The following MMEL1 variants were observed in gnomAD, a reference collection of about 807,000 sequenced individuals.
MMEL1 encodes membrane metalloendopeptidase like 1.
In MMEL1, 98 loss-of-function variants were observed where a neutral mutation model predicts 117.1. The observed-to-expected ratio is 0.84, with a 90% CI of 0.71 to 0.99. The LOEUF is 0.99. Ranked by LOEUF, MMEL1 falls within the 50% of genes least tolerant of loss-of-function variation. The pLI is 0.00. For synonymous variants in MMEL1, 390 were observed against 415.1 expected (o/e 0.94, Z 0.74); for missense variants, 1,014 against 1,049.1 (o/e 0.97, Z 0.46).
Position 2,632,920 on chromosome 1 carries a change from C to A in MMEL1, c.-92G>T. 1.0e-6 allele frequency: 1 copy of A among 985,666 alleles called. No homozygotes were observed. The highest frequency in any genetic ancestry group is 1.2e-6 in the Non-Finnish European group (1 of 830,086). 61.1% of individuals were successfully genotyped at this position (985,666 alleles called of 1,614,324 possible). A position where few individuals can be genotyped will look rare whatever the true frequency, so the allele number is the denominator to read the frequency against. On this transcript the variant is annotated 5_prime_UTR_variant, in exon 1 of 24. Transcript: ENST00000378412. ...ACAGTCAGGCCCCTGGAGACTGGGT[C>A]CCAGTGGGTTGGAGTTGGGGTGAGC...
rs1467846286 is a variant in MMEL1 at position 2,598,110 on chromosome 1, C to T, written c.1272+97G>A. On this transcript the variant is annotated intron_variant, in intron 13 of 23. Coordinates refer to ENST00000378412, the MANE Select transcript of MMEL1 (RefSeq NM_033467.4). ...CCCTGCCTCGTCCATGGCTGTGACC[C>T]TGGTGTGGACCTCGGTGTTTGCCTA... 4.3e-6 allele frequency: 5 copies of T among 1,165,114 alleles called. No individual in the cohort carries two copies. The Admixed American group carries it at 5.2e-5, about 12-fold the overall frequency. The allele number at this position is 1,165,114 out of a possible 1,614,324, so 72.2% of individuals were successfully genotyped here. A position where few individuals can be genotyped will look rare whatever the true frequency, so the allele number is the denominator to read the frequency against.
chr1:2,611,206 CG>C (rs1483786433), intron 4 of MMEL1, 74 bp downstream of exon 4: 46 of 1,431,298 alleles, frequency 3.2e-5, no homozygotes, highest in Non-Finnish European at 4.2e-5. Flanking sequence ...GGGCCTTGGG[CG>C]GGGCCTACGT....
At chr1:2,621,973 G>T (rs540475077) in intron 2 of MMEL1, among the ~76,000 whole-genome samples, 2 of 152,116 alleles carry the variant, frequency 1.3e-5, no homozygotes, top group Admixed American at 6.5e-5. Flanking sequence ...GCTGTGTCAC[G>T]GGCCATTGGT....
chr1:2,598,550 G>A lies in MMEL1; in HGVS notation c.1178+104C>T. The A allele has an allele frequency of 1.9e-6, 3 of 1,547,822 alleles. No homozygotes were observed. In the South Asian group the frequency reaches 3.7e-5, roughly 19 times the overall value. On this transcript the variant is annotated intron_variant, in intron 12 of 23. Transcript: ENST00000378412. ...CTCATGTCCCACACCCCTCAGGGCA[G>A]ATGCTTCATAGGGTCCCCTCCTGGG...
At chr1:2,604,366 A>T in intron 9 of MMEL1, 85 bp from the exon 10 acceptor site, 1 of 1,561,690 alleles carries the variant, frequency 6.4e-7, no homozygotes, top group Non-Finnish European at 8.7e-7. Flanking sequence ...GGGTGGGCGT[A>T]GGACATGGGG....
chr1:2,606,713 G>T (rs1290084045), intron 7 of MMEL1, among the ~76,000 whole-genome samples: 2 of 152,098 alleles, frequency 1.3e-5, no homozygotes, highest in Non-Finnish European at 2.9e-5. Context: ...TGAGTGTCGA[G>T]CGCTCCTAGG....
In MMEL1 at chr1:2,629,436, C is replaced by T. The variant is rs554216216; in HGVS notation, c.49G>A (p.Ala17Thr). ...AGGAACCCCGGGCGCTTCTGCCCTG[C>T]ACGGCCGGCGCTCTCCACCATCCCC... Reference protein sequence around the residue: ...PVGMVESAGRAGQKRPGFLEG... With the variant: ...PVGMVESAGRTGQKRPGFLEG... Residue 17 changes from alanine (A) to threonine (T), a missense_variant, in exon 2 of 24, where the codon GCA (alanine) becomes ACA (threonine). By Grantham distance (58) the Ala-to-Thr change is moderately conservative. Transcript: ENST00000378412. The T allele has an allele frequency of 3.9e-6, 6 of 1,544,506 alleles. No individual in the cohort carries two copies. In the African/African-American group the frequency reaches 8.2e-5, roughly 21 times the overall value.
chr1:2,600,975 T>C (rs1370938057), intron 11 of MMEL1, among the ~76,000 whole-genome samples: 3 of 151,674 alleles, frequency 2.0e-5, no homozygotes, highest in Non-Finnish European at 4.4e-5. Flanking sequence ...TGGAAGCATA[T>C]ATCATGTTCA....
chr1:2,628,049 G>A (rs1638351171), intron 2 of MMEL1, among the ~76,000 whole-genome samples: 1 of 152,248 alleles, frequency 6.6e-6, no homozygotes, highest in Admixed American at 6.5e-5. Context: ...ACAGCTGGGG[G>A]TGTGTGTGGG....
At chr1:2,598,923 G>A in intron 11 of MMEL1, 133 bp from the exon 12 acceptor site, 1 of 726,204 alleles carries the variant, frequency 1.4e-6, no homozygotes, top group Non-Finnish European at 2.2e-6. Context: ...TCAGAATCAG[G>A]AAAGGGTGGG....
chr1:2,609,778 A>G lies in MMEL1; in HGVS notation c.346T>C (p.Tyr116His). The G allele has an allele frequency of 6.2e-7, 1 of 1,613,884 alleles. No homozygotes were observed. Among genetic ancestry groups the G allele is most frequent in the Non-Finnish European group, 8.5e-7 (1 of 1,179,962 alleles). The change falls in exon 5 of 24, where the codon TAC (tyrosine) becomes CAC (histidine). Residue 116 changes from tyrosine to histidine, a missense_variant. By Grantham distance (83) the Tyr-to-His change is moderately conservative. Coordinates refer to ENST00000378412, the MANE Select transcript of MMEL1 (RefSeq NM_033467.4). ...AGCCAGCCTCCGCATGCAAACTGGT[A>G]GAAGTCGTCACACGGTTCCGTGGTC... ...DPTTEPCDDF[Y>H]QFACGGWLRR...
At chr1:2,592,305 T>C (rs112218652) in intron 21 of MMEL1, among the ~76,000 whole-genome samples, 2,020 of 89,304 alleles carry the variant, frequency 0.023, 60 homozygotes, top group African/African-American at 0.042. Context: ...GAGGCACTGG[T>C]GCCCCCCTCC....
At chr1:2,607,942 T>A (rs774991872) in intron 6 of MMEL1, among the ~76,000 whole-genome samples, 6 of 152,090 alleles carry the variant, frequency 3.9e-5, no homozygotes, top group Non-Finnish European at 8.8e-5. Flanking sequence ...GGCTGCCCAC[T>A]GGGGATAAAG....
In MMEL1 at chr1:2,592,289, TCCCCTGAGGCACTGGTGCC is replaced by T. The variant is rs1644735716; in HGVS notation, c.2068-281_2068-263del. On this transcript the variant is annotated intron_variant, in intron 21 of 23. Coordinates refer to ENST00000378412, the MANE Select transcript of MMEL1 (RefSeq NM_033467.4). ...TCCCGAATGAGCCCCTGACGCCCCCTCCCCTGAGGCACTGGTGCCCCCCTCCCCTGCAGCGCTGATGCCC... is the reference window on the plus strand; with the variant it reads ...TCCCGAATGAGCCCCTGACGCCCCCTCCCCTCCCCTGCAGCGCTGATGCCC... Among the ~76,000 whole-genome samples the T allele has an allele frequency of 3.3e-4, 27 of 81,394 alleles. 1 individual carries two copies. The highest frequency in any genetic ancestry group is 1.3e-3 in the African/African-American group (27 of 21,566). The allele number at this position is 81,394 out of a possible 152,430, so 53.4% of individuals were successfully genotyped here.
At chr1:2,593,018 T>C (rs745367) in intron 19 of MMEL1, 52 bp from the exon 20 acceptor site, 612,336 of 1,595,272 alleles carry the variant, frequency 0.38, 123,817 homozygotes, top group African/African-American at 0.68. Context: ...GCACTGTGCC[T>C]GGCCCCACGG....
At chr1:2,598,019 T>A (rs1042211900) in intron 13 of MMEL1, among the ~76,000 whole-genome samples, 188 bp downstream of exon 13, 2 of 152,258 alleles carry the variant, frequency 1.3e-5, no homozygotes, top group African/African-American at 4.8e-5. Context: ...ACTCTGCGGT[T>A]TTGGCAGAGC....
Position 2,595,245 on chromosome 1 carries a change from G to A in MMEL1, c.1584+31C>T. ...TCAGGGCCCATGTCCACGGTGTGGGGGGCAGTTTAGGGCTGGGGTTGGGGG... is the reference window on the plus strand; with the variant it reads ...TCAGGGCCCATGTCCACGGTGTGGGAGGCAGTTTAGGGCTGGGGTTGGGGG... On this transcript the variant is annotated intron_variant, in intron 16 of 23. Coordinates refer to ENST00000378412, the MANE Select transcript of MMEL1 (RefSeq NM_033467.4). This position sits in a 1 kb window ranked among gnomAD's most constrained non-coding sequence, Gnocchi z 4.8. 1.3e-6 allele frequency: 2 copies of A among 1,591,182 alleles called. No individual in the cohort carries two copies. The highest frequency in any genetic ancestry group is 1.7e-6 in the Non-Finnish European group (2 of 1,160,762).
intron 2 of MMEL1, among the ~76,000 whole-genome samples, chr1:2,628,547 CG>C (rs1251177244): frequency 6.6e-6 from 1 of 152,174 alleles, no homozygotes; most frequent in African/African-American, 2.4e-5. Flanking sequence ...CCGATGTGTG[CG>C]CGCTGCCCGG....
intron 1 of MMEL1, 58 bp from the exon 2 acceptor site, chr1:2,629,579 C>G: frequency 1.2e-5 from 16 of 1,358,852 alleles, no homozygotes; most frequent in South Asian, 3.3e-5. Flanking sequence ...GAGCCCGGCC[C>G]GAGGCTGGAA....
Sources: allele counts gnomAD v4.1 joint callset (sites outside exome capture counted in the v4.1 genomes callset), GRCh38; gene constraint gnomAD v4.1.1; non-coding constraint Gnocchi (gnomAD v3.1); transcripts MANE v1.5; gene names NCBI Gene and HGNC (gene_info 2026-07-23, HGNC 2026-07-21).